VPS37C: variants seen among roughly 807,000 people sequenced by gnomAD.
VPS37C encodes vacuolar protein sorting-associated protein 37C.
Under a neutral mutation model 16.1 loss-of-function variants are expected in VPS37C, and 9 were observed. That is an observed-to-expected ratio of 0.56 (90% CI 0.34 to 0.97). The LOEUF (loss-of-function observed/expected upper bound fraction) is 0.97. Among genes scored for constraint, VPS37C ranks in the 50% least tolerant of loss-of-function variants. The probability of loss-of-function intolerance (pLI) is 0.02; values close to 1 mark genes in which losing one functional copy is unlikely to be tolerated. For missense variants in VPS37C, 479 were observed against 472.7 expected (o/e 1.01, Z -0.12); for synonymous variants, 207 against 206.4 (o/e 1.00, Z -0.02).
At chr11:61,159,744 AATAC>A (rs1853437730) in intron 1 of VPS37C, among the ~76,000 whole-genome samples, 2 of 150,296 alleles carry the variant, frequency 1.3e-5, no homozygotes, top group Admixed American at 6.6e-5. Context: ...ATAAATAAAA[AATAC>A]AAAAATTAGC....
At chr11:61,151,830 G>T (rs1324144480) in intron 1 of VPS37C, among the ~76,000 whole-genome samples, 1 of 152,202 alleles carries the variant, frequency 6.6e-6, no homozygotes, top group Non-Finnish European at 1.5e-5. Context: ...AGAAACAGGT[G>T]ATTTAATAGG....
intron 2 of VPS37C, among the ~76,000 whole-genome samples, chr11:61,136,784 T>C (rs1440335291): frequency 6.6e-6 from 1 of 152,216 alleles, no homozygotes; most frequent in Non-Finnish European, 1.5e-5. Flanking sequence ...TAATTATCAA[T>C]TTTCTTTGAA....
intron 1 of VPS37C, among the ~76,000 whole-genome samples, chr11:61,149,135 A>C (rs1853261181): frequency 6.6e-6 from 1 of 152,166 alleles, no homozygotes; most frequent in African/African-American, 2.4e-5. Context: ...AATACAAAAA[A>C]GTTAGCTGGG....
intron 1 of VPS37C, among the ~76,000 whole-genome samples, chr11:61,141,464 G>A (rs910761161): frequency 2.0e-5 from 3 of 151,776 alleles, no homozygotes; most frequent in Non-Finnish European, 2.9e-5. Flanking sequence ...ACCCTGGGAG[G>A]AACACTGGCA....
intron 1 of VPS37C, among the ~76,000 whole-genome samples, chr11:61,139,510 C>G (rs1181591457): frequency 6.6e-6 from 1 of 151,978 alleles, no homozygotes; most frequent in Non-Finnish European, 1.5e-5. Context: ...TTGACCGACC[C>G]AAAGAGGACA....
rs1421118853 is a variant in VPS37C, at chr11:61,131,890, G to A, written c.998C>T (p.Pro333Leu). 1 of 1,278,190 alleles carries A rather than the reference G, an allele frequency of 7.8e-7. No individual in the cohort carries two copies. Among genetic ancestry groups the A allele is most frequent in the African/African-American group, 1.5e-5 (1 of 64,662 alleles). 79.2% of individuals were successfully genotyped at this position (1,278,190 alleles called of 1,614,324 possible). Residue 333 changes from proline to leucine, a missense_variant, in exon 5 of 5, where the codon CCT becomes CTT. By Grantham distance (98) the Pro-to-Leu change is moderately conservative. Coordinates refer to ENST00000301765, the MANE Select transcript of VPS37C (RefSeq NM_017966.5). ...QPQPSVPLQP[P>L]YPPGPAPPYG... ...GGGAGGGGCGGGCCCGGGGGGATAA[G>A]GGGGCTGCAGGGGCACTGAGGGCTG...
chr11:61,139,119 G>C (rs996533340), intron 1 of VPS37C, among the ~76,000 whole-genome samples: 1 of 152,220 alleles, frequency 6.6e-6, no homozygotes, highest in Non-Finnish European at 1.5e-5. Flanking sequence ...TCGGGTGCTA[G>C]ATGGAGCTCC....
At chr11:61,136,269 G>T (rs578141504) in intron 2 of VPS37C, among the ~76,000 whole-genome samples, 1 of 150,304 alleles carries the variant, frequency 6.7e-6, no homozygotes, top group South Asian at 2.1e-4. Flanking sequence ...GGGTTCAAGC[G>T]ATTCTCCTGC....
rs547331515 is a variant in VPS37C, at chr11:61,141,159, A to G, written c.-6-2324T>C. ...CAAGGTAGGCAGATCACCTGAGGTC[A>G]GGAGTTCGCGACCAGCCTAGCCAAC... On this transcript the variant is annotated intron_variant, in intron 1 of 4. Transcript: ENST00000301765. Among the ~76,000 whole-genome samples, 3 of 152,338 alleles carry G rather than the reference A, an allele frequency of 2.0e-5. No individual in the cohort carries two copies. In the South Asian group the frequency reaches 6.2e-4, roughly 32 times the overall value.
chr11:61,154,073 A>C (rs1414864248), intron 1 of VPS37C, among the ~76,000 whole-genome samples: 1 of 152,268 alleles, frequency 6.6e-6, no homozygotes, highest in Non-Finnish European at 1.5e-5. Context: ...AGCTTTAAAG[A>C]ATCAAACTGT....
rs1590798594 is a variant in VPS37C, at chr11:61,161,400, C to T, written c.-16G>A. ...CCCAGTCTCCGCTCACCTGCCAGGG[C>T]CGCCGTCGCCGCCGCCACCGCGGGT... On this transcript the variant is annotated 5_prime_UTR_variant, in exon 1 of 5. Transcript: ENST00000301765. The T allele has an allele frequency of 6.5e-6, 1 of 154,948 alleles. No homozygotes were observed. Among genetic ancestry groups the T allele is most frequent in the East Asian group, 1.9e-4 (1 of 5,310 alleles). 9.6% of individuals were successfully genotyped at this position (154,948 alleles called of 1,614,324 possible).
Position 61,132,178 on chromosome 11 carries a change from T to C in VPS37C, c.710A>G (p.Tyr237Cys). Residue 237 changes from tyrosine (Y) to cysteine (C), a missense_variant, in exon 5 of 5, where the codon TAC (tyrosine) becomes TGC (cysteine). Coordinates refer to ENST00000301765, the MANE Select transcript of VPS37C (RefSeq NM_017966.5). ...PFPVVSQPSFYSGPLGPTYPA... is the reference protein window; with the variant it reads ...PFPVVSQPSFCSGPLGPTYPA... ...GTAAGTGGGGCCCAGAGGCCCGCTG[T>C]AGAAGGAGGGCTGGGACACTACTGG... The C allele has an allele frequency of 1.4e-6, 2 of 1,479,682 alleles. No homozygotes were observed. Among genetic ancestry groups the C allele is most frequent in the Non-Finnish European group, 1.8e-6 (2 of 1,114,536 alleles). The allele number at this position is 1,479,682 out of a possible 1,614,324, so 91.7% of individuals were successfully genotyped here.
chr11:61,134,508 G>A (rs1433619042), intron 2 of VPS37C, among the ~76,000 whole-genome samples: 3 of 152,188 alleles, frequency 2.0e-5, no homozygotes, highest in Non-Finnish European at 4.4e-5. Flanking sequence ...AATGTGCAGA[G>A]CCCCAAGGAG....
intron 1 of VPS37C, among the ~76,000 whole-genome samples, chr11:61,159,901 CAAAAAAAAA>C (rs35953020): frequency 3.4e-4 from 17 of 49,546 alleles, no homozygotes; most frequent in Middle Eastern, 0.011. Flanking sequence ...GACTCCGTCT[CAAAAAAAAA>C]AAAAAAAAAA....
At chr11:61,135,125 C>T (rs1289500605) in intron 2 of VPS37C, among the ~76,000 whole-genome samples, 1 of 152,128 alleles carries the variant, frequency 6.6e-6, no homozygotes, top group Admixed American at 6.5e-5. Context: ...CAGGCCCTCA[C>T]TGTGCAGCTT....
At position 61,134,017 on chromosome 11, in the gene VPS37C, C is replaced by T. The variant is rs1861318243; in HGVS notation, c.265+19G>A. 2 of 1,597,082 alleles carry T rather than the reference C, an allele frequency of 1.3e-6. No individual in the cohort carries two copies. Among genetic ancestry groups the T allele is most frequent in the South Asian group, 1.1e-5 (1 of 90,444 alleles). On this transcript the variant is annotated intron_variant, in intron 3 of 4. Transcript: ENST00000301765. ...CAACCCTGAATGGGGACCCTGAGTT[C>T]ACAGAGGAGCCACCCTACCCAGCTT...
intron 1 of VPS37C, among the ~76,000 whole-genome samples, chr11:61,151,042 T>G (rs1853290878): frequency 6.6e-6 from 1 of 152,142 alleles, no homozygotes; most frequent in African/African-American, 2.4e-5. Flanking sequence ...AAAACTGAAG[T>G]TCTGTGCCTG....
chr11:61,131,760 G>A lies in VPS37C; in HGVS notation c.*60C>T, dbSNP rs1216130426. ...CAGTTGACCCTCGAATCTCGGCGATGGCTGGGCCAAAGGTTGAGCGTGGGT... is the reference window on the plus strand; with the variant it reads ...CAGTTGACCCTCGAATCTCGGCGATAGCTGGGCCAAAGGTTGAGCGTGGGT... On this transcript the variant is annotated 3_prime_UTR_variant, in exon 5 of 5. Coordinates refer to ENST00000301765, the MANE Select transcript of VPS37C (RefSeq NM_017966.5). 8.1e-6 allele frequency: 10 copies of A among 1,237,910 alleles called. No homozygotes were observed. In the Admixed American group the frequency reaches 2.5e-4, roughly 31 times the overall value. 76.7% of individuals were successfully genotyped at this position (1,237,910 alleles called of 1,614,324 possible). A position where few individuals can be genotyped will look rare whatever the true frequency, so the allele number is the denominator to read the frequency against.
At position 61,138,768 on chromosome 11, in the gene VPS37C, G is replaced by A. The variant is rs367646428; in HGVS notation, c.62C>T (p.Ala21Val). ...ELEELQNDSE[A>V]IDQLALESPE... ...GGACTCCAGGGCCAGCTGGTCAATCGCCTCCGAGTCATTCTGCAACTCCTC... is the reference window on the plus strand; with the variant it reads ...GGACTCCAGGGCCAGCTGGTCAATCACCTCCGAGTCATTCTGCAACTCCTC... The change falls in exon 2 of 5, where the codon GCG becomes GTG. Residue 21 changes from alanine (A) to valine (V), a missense_variant. By Grantham distance (64) the Ala-to-Val change is moderately conservative (BLOSUM62 0). Transcript: ENST00000301765. 4.7e-5 allele frequency: 76 copies of A among 1,613,892 alleles called. No homozygotes were observed. Among genetic ancestry groups the A allele is most frequent in the Middle Eastern group, 1.6e-4 (1 of 6,084 alleles).
Sources: gnomAD v4.1 joint callset for allele counts (sites outside exome capture counted in the v4.1 genomes callset) on GRCh38, gnomAD v4.1.1 for gene constraint, MANE v1.5 for transcripts, NCBI Gene and HGNC (gene_info 2026-07-23, HGNC 2026-07-21) for gene names.